Variants in DEPDC5 observed in about 807,000 individuals in gnomAD.
The protein encoded by DEPDC5 is DEP domain containing 5, GATOR1 subcomplex subunit.
Under a neutral mutation model 217.3 loss-of-function variants are expected in DEPDC5, and 73 were observed. That is an observed-to-expected ratio of 0.34 (90% CI 0.28 to 0.41). The LOEUF is 0.41. Ranked by LOEUF, DEPDC5 falls within the 10% of genes least tolerant of loss-of-function variation. The pLI is 1.00. For missense variants in DEPDC5, 1,675 were observed against 2,070.1 expected, an observed-to-expected ratio of 0.81 and a Z score of 3.70; for synonymous variants, 733 against 756.7, an observed-to-expected ratio of 0.97 and a Z score of 0.51.
intron 3 of DEPDC5, among the ~76,000 whole-genome samples, chr22:31,759,432 G>C (rs531558915): frequency 1.1e-3 from 163 of 151,140 alleles, no homozygotes; most frequent in African/African-American, 3.9e-3. Flanking sequence ...GAAGTGCAGT[G>C]GTGGGATCTT....
intron 37 of DEPDC5, among the ~76,000 whole-genome samples, chr22:31,877,330 G>C (rs966581168): frequency 2.0e-5 from 3 of 150,458 alleles, no homozygotes; most frequent in African/African-American, 7.4e-5. Flanking sequence ...CCAGCTACTC[G>C]GGAGGCTGAG....
At chr22:31,770,547 A>ATTTTTTTTTT (rs34409975) in intron 7 of DEPDC5, among the ~76,000 whole-genome samples, 3 of 133,464 alleles carry the variant, frequency 2.2e-5, no homozygotes, top group Admixed American at 7.7e-5. Context: ...CACGTAGCTA[A>ATTTTTTTTTT]TTTTTTTTTT....
At chr22:31,774,243 C>G (rs1601719541) in intron 7 of DEPDC5, among the ~76,000 whole-genome samples, 1 of 150,250 alleles carries the variant, frequency 6.7e-6, no homozygotes, top group African/African-American at 2.4e-5. Context: ...ACTCTGTCAC[C>G]TAGGCTGCAG....
At chr22:31,808,149 G>A (rs904274350) in intron 18 of DEPDC5, among the ~76,000 whole-genome samples, 2 of 151,958 alleles carry the variant, frequency 1.3e-5, no homozygotes, top group African/African-American at 4.8e-5. Context: ...CATGCCCAGT[G>A]TAGTGGTGGG....
At position 31,861,419 on chromosome 22, in the gene DEPDC5, G is replaced by T; in HGVS notation, c.3316G>T (p.Ala1106Ser). Residue 1106 changes from alanine to serine, a missense_variant, in exon 33 of 43, where the codon GCC becomes TCC. Transcript: ENST00000651528. ...CCGCAGCCCACGCACAGCATCGTCC[G>T]CCTTCTACCCTCAGGTTAGTCCAAC... is the stretch of plus-strand genomic sequence containing the variant. ...FVRSPRTASS[A>S]FYPQVSVDQT... 1.3e-6 allele frequency: 2 copies of T among 1,551,444 alleles called. No homozygotes were observed. The highest frequency in any genetic ancestry group is 1.7e-6 in the Non-Finnish European group (2 of 1,146,950).
chr22:31,812,967 C>T (rs891690843), intron 20 of DEPDC5, among the ~76,000 whole-genome samples: 8 of 151,884 alleles, frequency 5.3e-5, no homozygotes, highest in Non-Finnish European at 7.4e-5. Flanking sequence ...CTCGAACTCC[C>T]GACCCCAGGT....
At chr22:31,762,073 A>G (rs1193800950) in intron 4 of DEPDC5, among the ~76,000 whole-genome samples, 2 of 151,988 alleles carry the variant, frequency 1.3e-5, no homozygotes, top group Non-Finnish European at 1.5e-5. Context: ...CCAAAGTGCT[A>G]AGATTGCAGG....
At chr22:31,814,314 G>A (rs5994431) in intron 20 of DEPDC5, 50,821 of 152,038 alleles carry the variant, frequency 0.33, 9,769 homozygotes, top group African/African-American at 0.54. Flanking sequence ...AACCCATCAC[G>A]GTACCATTAT....
chr22:31,774,234 C>G (rs1263362000), intron 7 of DEPDC5, among the ~76,000 whole-genome samples: 1 of 147,208 alleles, frequency 6.8e-6, no homozygotes, highest in Non-Finnish European at 1.5e-5. Context: ...ACGAGTCTCA[C>G]TCTGTCACCT....
chr22:31,767,007 G>A (rs1309824254), intron 6 of DEPDC5, among the ~76,000 whole-genome samples: 1 of 152,170 alleles, frequency 6.6e-6, no homozygotes. Context: ...TATAGAGGTA[G>A]AAACTGAGAT....
At position 31,804,293 on chromosome 22, in the gene DEPDC5, G is replaced by A. The variant is rs372510232; in HGVS notation, c.1143+70G>A. 7.9e-5 allele frequency: 115 copies of A among 1,453,348 alleles called. No individual in the cohort carries two copies. The Admixed American group carries it at 1.5e-3, about 19-fold the overall frequency. 90.0% of individuals were successfully genotyped at this position (1,453,348 alleles called of 1,614,324 possible). On this transcript the variant is annotated intron_variant, in intron 16 of 42. Coordinates refer to ENST00000651528, the MANE Select transcript of DEPDC5 (RefSeq NM_001242896.3). ...AGTTAGAAAGAGAAAAATTCCAGGC[G>A]CTGTGGCATGCACTTATAGTCCCAC... is the stretch of plus-strand genomic sequence containing the variant.
In DEPDC5 at chr22:31,765,014, G is replaced by C. The variant is rs373578854; in HGVS notation, c.233G>C (p.Arg78Pro). 212 of 1,613,972 alleles carry C rather than the reference G, an allele frequency of 1.3e-4. No homozygotes were observed. Among genetic ancestry groups the C allele is most frequent in the Non-Finnish European group, 1.7e-4 (199 of 1,179,992 alleles). ...GACCAGACTGTGACTCAAGTGTTCC[G>C]GCTGAGACCTTATCAGGATGTCTAT... is the stretch of plus-strand genomic sequence containing the variant. Reference protein sequence around the residue: ...SVDQTVTQVFRLRPYQDVYVN... With the variant: ...SVDQTVTQVFPLRPYQDVYVN... Residue 78 changes from arginine to proline, a missense_variant, in exon 5 of 43, where the codon CGG becomes CCG. By Grantham distance (103) the Arg-to-Pro change is moderately radical. Transcript: ENST00000651528.
intron 21 of DEPDC5, among the ~76,000 whole-genome samples, chr22:31,818,161 C>T (rs992839444): frequency 6.6e-6 from 1 of 152,170 alleles, no homozygotes; most frequent in African/African-American, 2.4e-5. Context: ...CTGTCTCTGT[C>T]TCCATAATGG....
chr22:31,771,714 G>A (rs1033416422), intron 7 of DEPDC5, among the ~76,000 whole-genome samples: 34 of 76,590 alleles, frequency 4.4e-4, no homozygotes, highest in Non-Finnish European at 6.8e-4. Context: ...GCAAGACTCC[G>A]TCACACACAC....
chr22:31,871,729 A>T (rs2092849733), intron 34 of DEPDC5, among the ~76,000 whole-genome samples: 1 of 152,198 alleles, frequency 6.6e-6, no homozygotes, highest in East Asian at 1.9e-4. Flanking sequence ...GGAATCGGGG[A>T]TATTTAGGCT....
intron 7 of DEPDC5, among the ~76,000 whole-genome samples, chr22:31,776,919 ACAT>A (rs2083918566): frequency 6.6e-6 from 1 of 151,536 alleles, no homozygotes; most frequent in Non-Finnish European, 1.5e-5. Context: ...GGAGGAAAAA[ACAT>A]CATTCCCAAA....
chr22:31,783,833 C>T (rs2084704957), intron 8 of DEPDC5, 74 bp from the exon 9 acceptor site: 1 of 1,297,276 alleles, frequency 7.7e-7, no homozygotes, highest in South Asian at 1.3e-5. Flanking sequence ...AGCAGATCTT[C>T]AGAACTTTTT....
rs549248053 is a variant in DEPDC5, at chr22:31,766,665, T to C, written c.360T>C (p.Ser120=). 5 of 1,613,062 alleles carry C rather than the reference T, an allele frequency of 3.1e-6. No individual in the cohort carries two copies. The South Asian group carries it at 5.5e-5, about 18-fold the overall frequency. The change falls in exon 6 of 43, where the codon AGT becomes AGC. Residue 120 remains serine, a synonymous_variant. Transcript: ENST00000651528. ...GRGDMWRLKK[S]LVSTCAYITQ... ...GGGATATGTGGCGACTAAAGAAAAG[T>C]TTGGTAAGATGTGATTTTTTTTGAA...
At position 31,832,159 on chromosome 22, in the gene DEPDC5, T is replaced by G. The variant is rs115116215; in HGVS notation, c.2105-1756T>G. On this transcript the variant is annotated intron_variant, in intron 24 of 42. Transcript: ENST00000651528. ...ATTGTATGGATGAACTACAATTTGT[T>G]TATCCTTCCCCCAGTTGAAAGATAA... Among the ~76,000 whole-genome samples the G allele has an allele frequency of 6.5e-3, 997 of 152,368 alleles. 10 individuals are homozygous for G. The highest frequency in any genetic ancestry group is 0.022 in the African/African-American group (919 of 41,590).
Sources: allele counts gnomAD v4.1 joint callset (sites outside exome capture counted in the v4.1 genomes callset), GRCh38; gene constraint gnomAD v4.1.1; transcripts MANE v1.5; gene names NCBI Gene and HGNC (gene_info 2026-07-23, HGNC 2026-07-21).